Variants in CNTN5 observed in about 807,000 individuals in gnomAD.
The protein encoded by CNTN5 is contactin 5, also known as contactin-5.
CNTN5 carries 77 observed loss-of-function variants against 129.1 expected under a neutral mutation model. That is an observed-to-expected ratio of 0.60 (90% CI 0.50 to 0.72). The LOEUF is 0.72. Ranked by LOEUF, CNTN5 falls within the 30% of genes least tolerant of loss-of-function variation. The pLI is 0.00. For missense variants in CNTN5, 1,478 were observed against 1,328.8 expected, an observed-to-expected ratio of 1.11 and a Z score of -1.75; for synonymous variants, 509 against 465.6, an observed-to-expected ratio of 1.09 and a Z score of -1.20.
At chr11:99,768,436 G>A (rs559266083) in intron 3 of CNTN5, among the ~76,000 whole-genome samples, 31 of 152,016 alleles carry the variant, frequency 2.0e-4, no homozygotes, top group Non-Finnish European at 4.0e-4. Context: ...TTGTCTCATA[G>A]ACAGTCCATA....
intron 3 of CNTN5, among the ~76,000 whole-genome samples, chr11:99,786,162 C>G (rs71622153): frequency 3.9e-5 from 6 of 152,014 alleles, no homozygotes; most frequent in Non-Finnish European, 7.4e-5. Flanking sequence ...CAAAGTCTCA[C>G]GATACAAAAT....
At chr11:100,060,429 A>G (rs1249268296) in intron 9 of CNTN5, among the ~76,000 whole-genome samples, 2 of 152,054 alleles carry the variant, frequency 1.3e-5, no homozygotes, top group African/African-American at 2.4e-5. Flanking sequence ...TACATGTGTG[A>G]ACATATGCTT....
At chr11:99,823,007 TAAGTGA>T (rs571909298) in intron 4 of CNTN5, among the ~76,000 whole-genome samples, 16 of 152,082 alleles carry the variant, frequency 1.1e-4, no homozygotes, top group African/African-American at 3.9e-4. Flanking sequence ...AGCCCAAGAG[TAAGTGA>T]AGGACTCAGT....
chr11:99,447,791 G>T (rs904794190), intron 2 of CNTN5, among the ~76,000 whole-genome samples: 1 of 152,108 alleles, frequency 6.6e-6, no homozygotes, highest in African/African-American at 2.4e-5. Flanking sequence ...TGGGTGTCGT[G>T]GTGGGTTCCT....
intron 1 of CNTN5, among the ~76,000 whole-genome samples, chr11:99,059,058 T>C (rs1179528094): frequency 6.8e-6 from 1 of 146,872 alleles, no homozygotes; most frequent in Admixed American, 6.9e-5. Flanking sequence ...CTTCCTTCCT[T>C]CTCTCCCCTT....
intron 1 of CNTN5, among the ~76,000 whole-genome samples, chr11:99,154,857 G>T (rs113734844): frequency 7.4e-4 from 113 of 152,216 alleles, no homozygotes; most frequent in African/African-American, 2.7e-3. Flanking sequence ...CTCTGTCCAG[G>T]CCTGGTGGTC....
chr11:99,789,800 G>C (rs1945673023), intron 3 of CNTN5, among the ~76,000 whole-genome samples: 3 of 151,800 alleles, frequency 2.0e-5, no homozygotes. Context: ...TAGATTCATG[G>C]GATATATGCG....
chr11:99,426,160 C>G (rs1262741804), intron 2 of CNTN5, among the ~76,000 whole-genome samples: 3 of 152,152 alleles, frequency 2.0e-5, no homozygotes, highest in Non-Finnish European at 2.9e-5. Context: ...AAAAATCTGA[C>G]TATTTCTCTT....
chr11:99,618,283 G>A (rs11220658), intron 3 of CNTN5, among the ~76,000 whole-genome samples: 52,102 of 151,972 alleles, frequency 0.34, 8,974 homozygotes, highest in Non-Finnish European at 0.37. Flanking sequence ...ATTGTTGGAA[G>A]TTGAATAGTC....
chr11:99,842,259 C>G (rs970906407), intron 4 of CNTN5, among the ~76,000 whole-genome samples: 16 of 152,080 alleles, frequency 1.1e-4, no homozygotes, highest in East Asian at 5.8e-4. Context: ...GATAAAAGGA[C>G]TGATTATTGC....
chr11:100,229,197 A>ACG (rs1949441780), intron 16 of CNTN5, among the ~76,000 whole-genome samples: 1 of 77,406 alleles, frequency 1.3e-5, no homozygotes, highest in Non-Finnish European at 2.9e-5. Flanking sequence ...TTAGCTTTTT[A>ACG]CACACACACA....
intron 16 of CNTN5, among the ~76,000 whole-genome samples, chr11:100,225,745 G>C (rs1460933059): frequency 6.6e-6 from 1 of 151,998 alleles, no homozygotes; most frequent in Non-Finnish European, 1.5e-5. Context: ...TGCATGCTTA[G>C]ATCCCTTGTA....
At chr11:99,314,058 G>A (rs1379122230) in intron 1 of CNTN5, among the ~76,000 whole-genome samples, 1 of 151,944 alleles carries the variant, frequency 6.6e-6, no homozygotes, top group Non-Finnish European at 1.5e-5. Flanking sequence ...TTGGTAAAAG[G>A]TGACATGTGA....
At chr11:99,432,980 G>A (rs554828588) in intron 2 of CNTN5, among the ~76,000 whole-genome samples, 4 of 147,440 alleles carry the variant, frequency 2.7e-5, no homozygotes, top group East Asian at 2.0e-4. Flanking sequence ...AAGAATGAGC[G>A]TTGTGACTCC....
intron 1 of CNTN5, among the ~76,000 whole-genome samples, chr11:99,287,249 A>G (rs924727910): frequency 8.5e-5 from 13 of 152,184 alleles, no homozygotes; most frequent in African/African-American, 3.1e-4. Flanking sequence ...ATTAGGAAAT[A>G]CATTTTATTT....
At chr11:99,097,746 TAGAA>T (rs779397351) in intron 1 of CNTN5, among the ~76,000 whole-genome samples, 2 of 151,890 alleles carry the variant, frequency 1.3e-5, no homozygotes, top group Non-Finnish European at 2.9e-5. Context: ...ATTTTGGTAA[TAGAA>T]AGCACCTTAG....
At chr11:99,163,771 G>C (rs749557777) in intron 1 of CNTN5, among the ~76,000 whole-genome samples, 1 of 152,138 alleles carries the variant, frequency 6.6e-6, no homozygotes, top group Non-Finnish European at 1.5e-5. Context: ...TCATTAGCCG[G>C]TTTGAATGTC....
chr11:99,994,822 A>G (rs1290203236), intron 8 of CNTN5, among the ~76,000 whole-genome samples: 1 of 152,212 alleles, frequency 6.6e-6, no homozygotes, highest in Non-Finnish European at 1.5e-5. Context: ...CATTAGAAAC[A>G]TTCGGCTGAG....
chr11:99,538,093 CT>C (rs1947966454), intron 2 of CNTN5, among the ~76,000 whole-genome samples: 1 of 152,140 alleles, frequency 6.6e-6, no homozygotes, highest in Non-Finnish European at 1.5e-5. Context: ...AATGTGTGGA[CT>C]TTTACATCTT....
Sources: allele counts gnomAD v4.1 joint callset (sites outside exome capture counted in the v4.1 genomes callset), GRCh38; gene constraint gnomAD v4.1.1; transcripts MANE v1.5; gene names NCBI Gene and HGNC (gene_info 2026-07-23, HGNC 2026-07-21).